The following PIP5K1B variants were observed in gnomAD, a reference collection of about 807,000 sequenced individuals.
The protein encoded by PIP5K1B is phosphatidylinositol-4-phosphate 5-kinase type 1 beta.
A neutral mutation model predicts 67.0 loss-of-function variants in PIP5K1B; 42 were observed. That is an observed-to-expected ratio of 0.63 (90% CI 0.49 to 0.81). PIP5K1B has a LOEUF of 0.81. PIP5K1B is among the 30% of genes least tolerant of loss of function. The pLI, the probability that PIP5K1B is intolerant of heterozygous loss-of-function variation, is 0.00. For missense variants in PIP5K1B, 459 were observed against 646.3 expected (o/e 0.71, Z 3.14); for synonymous variants, 214 against 231.4 (o/e 0.92, Z 0.68).
intron 2 of PIP5K1B, chr9:68,781,998 A>G (rs1179848138): frequency 6.0e-6 from 1 of 167,062 alleles, no homozygotes; most frequent in African/African-American, 2.4e-5. Context: ...TCCAGAAATT[A>G]TTGCCAAACA....
chr9:68,968,285 C>T (rs1388937305), intron 14 of PIP5K1B, among the ~76,000 whole-genome samples: 5 of 152,066 alleles, frequency 3.3e-5, no homozygotes, highest in Non-Finnish European at 5.9e-5. Flanking sequence ...TTTGGGAGGC[C>T]GAGGCAGGTG....
chr9:68,715,180 A>C (rs1827574881), intron 1 of PIP5K1B, among the ~76,000 whole-genome samples: 1 of 152,230 alleles, frequency 6.6e-6, no homozygotes, highest in African/African-American at 2.4e-5. Context: ...CATAACAGGA[A>C]CCAGTTGACA....
At chr9:68,810,593 T>G (rs951196967) in intron 2 of PIP5K1B, among the ~76,000 whole-genome samples, 5 of 152,226 alleles carry the variant, frequency 3.3e-5, no homozygotes, top group East Asian at 1.9e-4. Flanking sequence ...TTTGGCCATG[T>G]ATGAGAAGCA....
chr9:68,977,295 G>T (rs1829675535), intron 14 of PIP5K1B, among the ~76,000 whole-genome samples: 1 of 152,222 alleles, frequency 6.6e-6, no homozygotes, highest in South Asian at 2.1e-4. Flanking sequence ...GCCAAGGCGA[G>T]CAGATCACCT....
At chr9:68,758,645 G>A (rs1587399239) in intron 2 of PIP5K1B, among the ~76,000 whole-genome samples, 1 of 152,022 alleles carries the variant, frequency 6.6e-6, no homozygotes, top group Middle Eastern at 3.4e-3. Context: ...AAGATCTAAT[G>A]TTCATGGCAT....
intron 4 of PIP5K1B, among the ~76,000 whole-genome samples, chr9:68,850,925 G>A (rs910224306): frequency 2.0e-5 from 3 of 152,114 alleles, no homozygotes; most frequent in African/African-American, 7.2e-5. Context: ...ATTTCTGAAA[G>A]ACTAATATAA....
At chr9:68,853,874 C>CA (rs1371057678) in intron 4 of PIP5K1B, among the ~76,000 whole-genome samples, 2 of 152,070 alleles carry the variant, frequency 1.3e-5, no homozygotes, top group Non-Finnish European at 2.9e-5. Flanking sequence ...CTGTACTCTT[C>CA]AAAAAACACC....
At chr9:68,793,067 T>C (rs1221062957) in intron 2 of PIP5K1B, among the ~76,000 whole-genome samples, 1 of 152,156 alleles carries the variant, frequency 6.6e-6, no homozygotes, top group Admixed American at 6.6e-5. Flanking sequence ...AATTTACACA[T>C]ATAAAGTGTG....
intron 8 of PIP5K1B, among the ~76,000 whole-genome samples, chr9:68,908,874 C>G (rs1360988816): frequency 6.6e-6 from 1 of 152,186 alleles, no homozygotes; most frequent in African/African-American, 2.4e-5. Context: ...ATCATTAACT[C>G]CTTGTTCAGG....
chr9:68,708,159 G>T (rs1827211328), intron 1 of PIP5K1B: 1 of 151,790 alleles, frequency 6.6e-6, no homozygotes, highest in South Asian at 2.1e-4. Context: ...TTTACTGTTT[G>T]ACTTGAAAAT....
chr9:68,759,014 T>G (rs1370277870), intron 2 of PIP5K1B, among the ~76,000 whole-genome samples: 4 of 152,134 alleles, frequency 2.6e-5, no homozygotes, highest in Admixed American at 2.6e-4. Flanking sequence ...TAAGGAACTT[T>G]CAGACATTCT....
Position 68,863,919 on chromosome 9 carries a change from A to T in PIP5K1B, c.152A>T (p.Asp51Val). 1 of 1,613,764 alleles carries T rather than the reference A, an allele frequency of 6.2e-7. No individual in the cohort carries two copies. The highest frequency in any genetic ancestry group is 1.1e-5 in the South Asian group (1 of 91,072). Residue 51 changes from aspartate (D) to valine (V), a missense_variant, in exon 5 of 16, where the codon GAT becomes GTT. Asp to Val is a radical substitution (Grantham distance 152). Coordinates refer to ENST00000265382, the MANE Select transcript of PIP5K1B (RefSeq NM_003558.4). ...AATCTCACTTCCAAGCCAGAACGAG[A>T]TGTTCTTATGCAAGACTTTTATGTG... is the stretch of plus-strand genomic sequence containing the variant. ...VGNLTSKPER[D>V]VLMQDFYVVE...
chr9:68,786,951 C>G (rs1364236604), intron 2 of PIP5K1B, among the ~76,000 whole-genome samples: 3 of 152,154 alleles, frequency 2.0e-5, no homozygotes, highest in Non-Finnish European at 1.5e-5. Context: ...CCCGCATGGA[C>G]AAATGCAGAT....
chr9:68,722,136 C>T (rs535916845), intron 1 of PIP5K1B, among the ~76,000 whole-genome samples: 1 of 152,284 alleles, frequency 6.6e-6, no homozygotes, highest in Admixed American at 6.5e-5. Flanking sequence ...AGATTCGAGT[C>T]CTGACAGCAG....
At chr9:68,709,774 GT>G (rs988628043) in intron 1 of PIP5K1B, among the ~76,000 whole-genome samples, 7 of 152,134 alleles carry the variant, frequency 4.6e-5, no homozygotes, top group Non-Finnish European at 7.4e-5. Flanking sequence ...GCTGGGTATG[GT>G]GGCACGTGCC....
At chr9:68,779,925 G>A (rs1188040909) in intron 2 of PIP5K1B, 5 of 462,184 alleles carry the variant, frequency 1.1e-5, no homozygotes, top group Non-Finnish European at 1.9e-5. Context: ...AGGAATATAC[G>A]GACTAGCGGC....
At chr9:68,954,752 T>C (rs1828297801) in intron 14 of PIP5K1B, among the ~76,000 whole-genome samples, 1 of 152,192 alleles carries the variant, frequency 6.6e-6, no homozygotes, top group South Asian at 2.1e-4. Flanking sequence ...GCTGTTATAC[T>C]GCTCCAAGTA....
chr9:68,821,438 G>A (rs968996715), intron 3 of PIP5K1B, among the ~76,000 whole-genome samples: 3 of 152,132 alleles, frequency 2.0e-5, no homozygotes, highest in South Asian at 2.1e-4. Context: ...TGGAAGACTC[G>A]AAGAAATACA....
chr9:68,898,093 C>T (rs908019433), intron 8 of PIP5K1B, among the ~76,000 whole-genome samples: 1 of 152,174 alleles, frequency 6.6e-6, no homozygotes, highest in African/African-American at 2.4e-5. Flanking sequence ...AGTCCCAGAC[C>T]CCTGTGTATA....
Sources: allele counts gnomAD v4.1 joint callset (sites outside exome capture counted in the v4.1 genomes callset), GRCh38; gene constraint gnomAD v4.1.1; transcripts MANE v1.5; gene names NCBI Gene and HGNC (gene_info 2026-07-23, HGNC 2026-07-21).